The following SNX24 variants were observed in gnomAD, a reference collection of about 807,000 sequenced individuals.
SNX24 encodes the protein sorting nexin 24.
In SNX24, 22 loss-of-function variants were observed where a neutral mutation model predicts 28.7. The ratio of observed to expected loss-of-function variants is 0.77; its 90% CI spans 0.55 to 1.10. The LOEUF is 1.10. Among genes scored for constraint, SNX24 ranks in the 50% least tolerant of loss-of-function variants. SNX24 has a pLI of 0.00. For synonymous variants in SNX24, 69 were observed against 71.5 expected (o/e 0.96, Z 0.18); for missense variants, 221 against 201.1 (o/e 1.10, Z -0.60).
intron 3 of SNX24, among the ~76,000 whole-genome samples, chr5:122,974,719 T>TCAC (rs71623278): frequency 0.23 from 34,996 of 152,082 alleles, 4,880 homozygotes; most frequent in Non-Finnish European, 0.33. Flanking sequence ...GTGGTGGAAA[T>TCAC]CACCCCTGCA....
intron 1 of SNX24, among the ~76,000 whole-genome samples, chr5:122,887,695 A>G (rs1356921357): frequency 1.3e-5 from 2 of 151,958 alleles, no homozygotes; most frequent in African/African-American, 2.4e-5. Context: ...AGAGTTCTTG[A>G]TTTCAGTCAC....
intron 1 of SNX24, among the ~76,000 whole-genome samples, chr5:122,872,409 T>C (rs1468045064): frequency 6.6e-6 from 1 of 152,110 alleles, no homozygotes; most frequent in African/African-American, 2.4e-5. Flanking sequence ...TTTTCCTACT[T>C]TCTCCGTTTA....
At position 122,878,494 on chromosome 5, in the gene SNX24, C is replaced by T. The variant is rs77980963; in HGVS notation, c.60+32801C>T. Among the ~76,000 whole-genome samples the T allele has an allele frequency of 2.1e-3, 316 of 152,058 alleles. 11 individuals are homozygous for T. In the East Asian group the frequency reaches 0.058, roughly 28 times the overall value. ...GGTCAAGGCTTTTTGTAAATCAGAC[C>T]AAAGACAGTGAGTACTTCAAGGTCA... On this transcript the variant is annotated intron_variant, in intron 1 of 6. Coordinates refer to ENST00000261369, the MANE Select transcript of SNX24 (RefSeq NM_014035.4).
intron 1 of SNX24, among the ~76,000 whole-genome samples, chr5:122,909,122 G>T (rs1008431806): frequency 6.6e-6 from 1 of 152,074 alleles, no homozygotes; most frequent in African/African-American, 2.4e-5. Context: ...GTACAGCATT[G>T]TTACATTAAC....
rs575349206 is a variant in SNX24 at position 122,988,860 on chromosome 5, T to C, written c.250-11052T>C. 2.0e-5 allele frequency among the ~76,000 whole-genome samples: 3 copies of C among 152,324 alleles called. No homozygotes were observed. The South Asian group carries it at 6.2e-4, about 32-fold the overall frequency. On this transcript the variant is annotated intron_variant, in intron 3 of 6. Coordinates refer to ENST00000261369, the MANE Select transcript of SNX24 (RefSeq NM_014035.4). ...TTTTATGTATTAGGCCTTTTCTTTT[T>C]ATAGACTGTGCATGAACCTAATTGC... is the stretch of plus-strand genomic sequence containing the variant.
intron 3 of SNX24, among the ~76,000 whole-genome samples, chr5:122,995,947 A>G (rs1348515924): frequency 6.6e-6 from 1 of 152,194 alleles, no homozygotes; most frequent in African/African-American, 2.4e-5. Flanking sequence ...TAACCCAGCA[A>G]CGATAGAGTG....
intron 5 of SNX24, chr5:123,025,766 A>G (rs1361739635): frequency 1.2e-6 from 2 of 1,607,174 alleles, no homozygotes; most frequent in African/African-American, 2.7e-5. Context: ...TTGAAAGGAA[A>G]AAAATGTATC....
At chr5:122,911,947 A>C (rs1156579708) in intron 1 of SNX24, among the ~76,000 whole-genome samples, 83 of 145,770 alleles carry the variant, frequency 5.7e-4, no homozygotes, top group African/African-American at 2.1e-3. Flanking sequence ...TGACTTGGCG[A>C]TGCGGGCTCT....
intron 3 of SNX24, among the ~76,000 whole-genome samples, chr5:122,968,543 G>A (rs949608070): frequency 6.6e-6 from 1 of 152,158 alleles, no homozygotes; most frequent in African/African-American, 2.4e-5. Context: ...TTGTATTTTA[G>A]GTGGACAGAA....
At chr5:122,877,659 C>T (rs976759009) in intron 1 of SNX24, among the ~76,000 whole-genome samples, 1 of 152,216 alleles carries the variant, frequency 6.6e-6, no homozygotes, top group Admixed American at 6.5e-5. Flanking sequence ...TGCCCATGCT[C>T]TGTGTCTCAT....
intron 1 of SNX24, among the ~76,000 whole-genome samples, chr5:122,849,809 C>T (rs1754812475): frequency 6.6e-6 from 1 of 152,176 alleles, no homozygotes; most frequent in African/African-American, 2.4e-5. Context: ...TCCATCTCCA[C>T]TGTTGTATCC....
chr5:123,011,856 A>G (rs931658835), downstream of SNX24, among the ~76,000 whole-genome samples: 11 of 152,212 alleles, frequency 7.2e-5, no homozygotes, highest in African/African-American at 2.7e-4. Context: ...GCAGGGACTC[A>G]AACAGCTATT....
At chr5:122,910,128 T>TG (rs906190230) in intron 1 of SNX24, among the ~76,000 whole-genome samples, 2 of 152,176 alleles carry the variant, frequency 1.3e-5, no homozygotes, top group African/African-American at 2.4e-5. Flanking sequence ...AAAGTTTACT[T>TG]GGGGAAATGT....
chr5:122,923,371 A>G (rs533285509), intron 1 of SNX24, among the ~76,000 whole-genome samples: 1 of 151,990 alleles, frequency 6.6e-6, no homozygotes, highest in South Asian at 2.1e-4. Context: ...AAAAAAAAAG[A>G]AGAATTAAAA....
intron 3 of SNX24, 37 bp from the exon 4 acceptor site, chr5:122,999,875 T>G (rs778129280): frequency 7.9e-7 from 1 of 1,268,246 alleles, no homozygotes; most frequent in African/African-American, 1.5e-5. Context: ...CTAGCAAACT[T>G]CACTTCAGTT....
chr5:122,938,658 A>AATACAAATAAC (rs1759287851), intron 2 of SNX24, among the ~76,000 whole-genome samples: 5 of 53,826 alleles, frequency 9.3e-5, no homozygotes, highest in African/African-American at 2.7e-4. Flanking sequence ...AAGGCAATGA[A>AATACAAATAAC]GGCCGGGCGC....
chr5:122,955,048 T>C (rs1760144360), intron 3 of SNX24, among the ~76,000 whole-genome samples: 1 of 152,068 alleles, frequency 6.6e-6, no homozygotes, highest in African/African-American at 2.4e-5. Flanking sequence ...TGAGACCTTA[T>C]TCATTTTTCT....
At chr5:122,978,133 G>T (rs1761243536) in intron 3 of SNX24, among the ~76,000 whole-genome samples, 1 of 151,988 alleles carries the variant, frequency 6.6e-6, no homozygotes, top group African/African-American at 2.4e-5. Context: ...CTTTAACAAT[G>T]CACTTTGGTA....
chr5:122,868,459 C>T (rs1755818966), intron 1 of SNX24, among the ~76,000 whole-genome samples: 1 of 152,066 alleles, frequency 6.6e-6, no homozygotes, highest in Non-Finnish European at 1.5e-5. Flanking sequence ...TAGAGGTAGG[C>T]AGGGCTTTGC....
Sources: allele counts gnomAD v4.1 joint callset (sites outside exome capture counted in the v4.1 genomes callset), GRCh38; gene constraint gnomAD v4.1.1; transcripts MANE v1.5; gene names NCBI Gene and HGNC (gene_info 2026-07-23, HGNC 2026-07-21).